CA13: variants seen among roughly 807,000 people sequenced by gnomAD.
CA13 encodes carbonic anhydrase 13, also known as CA-XIII.
In CA13, 21 loss-of-function variants were observed where a neutral mutation model predicts 31.5. The observed-to-expected ratio is 0.67, with a 90% CI of 0.47 to 0.96. The LOEUF is 0.96. Among genes scored for constraint, CA13 ranks in the 40% least tolerant of loss-of-function variants. CA13 has a pLI of 0.00. For missense variants in CA13, 315 were observed against 318.9 expected (o/e 0.99, Z 0.09); for synonymous variants, 117 against 111.4 (o/e 1.05, Z -0.32).
At chr8:85,262,864 T>C (rs1416258454) in intron 3 of CA13, among the ~76,000 whole-genome samples, 3 of 152,012 alleles carry the variant, frequency 2.0e-5, no homozygotes, top group African/African-American at 7.3e-5. Flanking sequence ...AGGATCCATG[T>C]TTCTAGGTTG....
Position 85,282,202 on chromosome 8 carries a change from A to G in CA13, c.*853A>G, listed in dbSNP as rs995948461. 3.9e-5 allele frequency: 6 copies of G among 152,474 alleles called. No individual in the cohort carries two copies. The highest frequency in any genetic ancestry group is 2.1e-4 in the South Asian group (1 of 4,826). 9.4% of individuals were successfully genotyped at this position (152,474 alleles called of 1,614,324 possible). A position where few individuals can be genotyped will look rare whatever the true frequency, so the allele number is the denominator to read the frequency against. On this transcript the variant is annotated 3_prime_UTR_variant, in exon 7 of 7. Coordinates refer to ENST00000321764, the MANE Select transcript of CA13 (RefSeq NM_198584.3). Reference sequence around the variant, plus strand: ...TGATACCTTTAATAAAATGAACAATATAAGAGTTAAGGGCAATGGGATAAA... The same window carrying G: ...TGATACCTTTAATAAAATGAACAATGTAAGAGTTAAGGGCAATGGGATAAA...
At chr8:85,268,398 A>C in intron 5 of CA13, 74 bp from the exon 6 acceptor site, 1 of 1,256,524 alleles carries the variant, frequency 8.0e-7, no homozygotes, top group Non-Finnish European at 1.2e-6. Context: ...ATGGAAGTAC[A>C]TGGATGTATG....
chr8:85,257,375 A>G (rs2129963642), intron 2 of CA13, among the ~76,000 whole-genome samples: 1 of 152,180 alleles, frequency 6.6e-6, no homozygotes, highest in East Asian at 1.9e-4. Context: ...AGCTGACTAC[A>G]GTGTAGTTTA....
intron 3 of CA13, among the ~76,000 whole-genome samples, chr8:85,264,583 A>G (rs1256886349): frequency 6.6e-6 from 1 of 152,220 alleles, no homozygotes; most frequent in Non-Finnish European, 1.5e-5. Context: ...CATAGTTTAA[A>G]TAGTTGTACT....
chr8:85,265,211 AAGG>A (rs1807440239), intron 3 of CA13, among the ~76,000 whole-genome samples: 1 of 152,206 alleles, frequency 6.6e-6, no homozygotes, highest in South Asian at 2.1e-4. Context: ...GATTCATTAG[AAGG>A]AGATCTTGTC....
In CA13 at chr8:85,283,506, T is replaced by C. The variant is rs778031518; in HGVS notation, c.*2157T>C. 1.3e-5 allele frequency: 2 copies of C among 152,660 alleles called. No individual in the cohort carries two copies. The highest frequency in any genetic ancestry group is 2.9e-5 in the Non-Finnish European group (2 of 68,036). 9.5% of individuals were successfully genotyped at this position (152,660 alleles called of 1,614,324 possible). A position where few individuals can be genotyped will look rare whatever the true frequency, so the allele number is the denominator to read the frequency against. ...AAATTAAATGCACTATAAGTTAATA[T>C]AACAAGTAAAATACATTGTCTTTTG... On this transcript the variant is annotated 3_prime_UTR_variant, in exon 7 of 7. Transcript: ENST00000321764.
chr8:85,269,652 T>C (rs1001331657), intron 6 of CA13, among the ~76,000 whole-genome samples: 2 of 152,204 alleles, frequency 1.3e-5, no homozygotes, highest in Non-Finnish European at 2.9e-5. Flanking sequence ...TCTTTCTGTG[T>C]AGACATCTAC....
At chr8:85,252,812 T>A (rs2129952142) in intron 2 of CA13, among the ~76,000 whole-genome samples, 1 of 152,340 alleles carries the variant, frequency 6.6e-6, no homozygotes. Context: ...TTTTTACTTA[T>A]TAATTGAGCC....
intron 3 of CA13, among the ~76,000 whole-genome samples, chr8:85,265,026 C>T (rs1054379385): frequency 6.6e-6 from 1 of 152,160 alleles, no homozygotes; most frequent in African/African-American, 2.4e-5. Flanking sequence ...GAAATTATCT[C>T]CTATAAATTT....
intron 6 of CA13, among the ~76,000 whole-genome samples, chr8:85,277,292 C>G (rs532621638): frequency 6.6e-6 from 1 of 152,102 alleles, no homozygotes; most frequent in African/African-American, 2.4e-5. Context: ...CTGAAGCCAG[C>G]GAGACCACGA....
intron 5 of CA13, 142 bp downstream of exon 5, chr8:85,268,106 C>A: frequency 1.7e-6 from 1 of 571,992 alleles, no homozygotes; most frequent in Non-Finnish European, 3.1e-6. Context: ...TAACCTATTA[C>A]CACTTATCTT....
rs1807723164 is a variant in CA13 at position 85,282,521 on chromosome 8, A to T, written c.*1172A>T. The T allele has an allele frequency of 6.6e-6, 1 of 152,290 alleles. No homozygotes were observed. Among genetic ancestry groups the T allele is most frequent in the African/African-American group, 2.4e-5 (1 of 41,452 alleles). The allele number at this position is 152,290 out of a possible 1,614,324, so 9.4% of individuals were successfully genotyped here. ...CCTGGTGTTTTGGCAGCAAAGCAGG[A>T]AGCAATTTTGTGTGGGTCATTGTTC... On this transcript the variant is annotated 3_prime_UTR_variant, in exon 7 of 7. Transcript: ENST00000321764.
At chr8:85,245,895 GT>G (rs1563997712) in intron 1 of CA13, 30 bp downstream of exon 1, 5 of 1,613,944 alleles carry the variant, frequency 3.1e-6, no homozygotes, top group Non-Finnish European at 4.2e-6. Context: ...CCAAGGGGGG[GT>G]TTGTGCGGGG....
chr8:85,265,745 AT>A (rs1411254893), intron 3 of CA13, among the ~76,000 whole-genome samples: 2 of 152,228 alleles, frequency 1.3e-5, no homozygotes, highest in Admixed American at 1.3e-4. Context: ...ATCATTCCAC[AT>A]TTATACATAT....
chr8:85,253,608 A>G (rs1052120205), intron 2 of CA13, among the ~76,000 whole-genome samples: 2 of 152,222 alleles, frequency 1.3e-5, no homozygotes, highest in East Asian at 1.9e-4. Flanking sequence ...AAATAAATAC[A>G]TGGTATTTTC....
At chr8:85,272,519 G>A (rs1357282410) in intron 6 of CA13, among the ~76,000 whole-genome samples, 1 of 152,124 alleles carries the variant, frequency 6.6e-6, no homozygotes, top group African/African-American at 2.4e-5. Context: ...GCCTCCCAAA[G>A]TGCTGGGATT....
Position 85,250,783 on chromosome 8 carries a change from T to C in CA13, c.81T>C (p.Asp27=), listed in dbSNP as rs776737892. 6.2e-6 allele frequency: 10 copies of C among 1,613,694 alleles called. No individual in the cohort carries two copies. The African/African-American group carries it at 1.3e-4, about 22-fold the overall frequency. Residue 27 remains aspartate (D), a synonymous_variant, in exon 2 of 7, where the codon GAT becomes GAC. Transcript: ENST00000321764. The stretch of plus-strand genomic sequence containing the variant: ...AATTTTTCCCTATTGCTGATGGTGA[T>C]CAGCAATCTCCAATTGAGATTAAAA... ...WKEFFPIADG[D]QQSPIEIKTK...
At chr8:85,266,217 G>A (rs748742619) in intron 3 of CA13, among the ~76,000 whole-genome samples, 1 of 152,206 alleles carries the variant, frequency 6.6e-6, no homozygotes, top group Non-Finnish European at 1.5e-5. Flanking sequence ...CTGATATGAA[G>A]TGTCGCTCTG....
At chr8:85,270,324 G>A (rs1376019214) in intron 6 of CA13, among the ~76,000 whole-genome samples, 1 of 152,070 alleles carries the variant, frequency 6.6e-6, no homozygotes, top group Non-Finnish European at 1.5e-5. Flanking sequence ...TCCCCTTGGG[G>A]CATTGAACAC....
Sources: allele counts gnomAD v4.1 joint callset (sites outside exome capture counted in the v4.1 genomes callset), GRCh38; gene constraint gnomAD v4.1.1; transcripts MANE v1.5; gene names NCBI Gene and HGNC (gene_info 2026-07-23, HGNC 2026-07-21).